DOCK10: variants seen among roughly 807,000 people sequenced by gnomAD.
The protein encoded by DOCK10 is dedicator of cytokinesis protein 10.
Under a neutral mutation model 280.1 loss-of-function variants are expected in DOCK10, and 145 were observed. The observed-to-expected ratio is 0.52, with a 90% CI of 0.45 to 0.59. The LOEUF is 0.59. DOCK10 is among the 20% of genes least tolerant of loss of function. DOCK10 has a pLI of 0.00. For synonymous variants in DOCK10, 915 were observed against 942.2 expected (o/e 0.97, Z 0.53); for missense variants, 2,368 against 2,651.7 (o/e 0.89, Z 2.35).
intron 1 of DOCK10, among the ~76,000 whole-genome samples, chr2:224,961,412 C>CTCTTTCTTTCTTTCTTTCTTTCTTTCTT (rs561597716): frequency 0.011 from 1,328 of 119,352 alleles, 33 homozygotes; most frequent in Middle Eastern, 0.018. Context: ...TTCTTTCTTT[C>CTCTTTCTTTCTTTCTTTCTTTCTTTCTT]TCTTTCTTTC....
At chr2:224,909,443 T>A (rs1382482556) in intron 3 of DOCK10, among the ~76,000 whole-genome samples, 1 of 152,168 alleles carries the variant, frequency 6.6e-6, no homozygotes, top group African/African-American at 2.4e-5. Context: ...TATCCCTATT[T>A]AAAGATGGAA....
At chr2:224,984,511 TTC>T (rs961451300) in intron 1 of DOCK10, among the ~76,000 whole-genome samples, 23 of 152,188 alleles carry the variant, frequency 1.5e-4, no homozygotes, top group African/African-American at 3.6e-4. Context: ...GCTCTGAATA[TTC>T]TCTCTCTCAT....
At chr2:224,780,175 G>T (rs184018880) in intron 50 of DOCK10, among the ~76,000 whole-genome samples, 8 of 152,294 alleles carry the variant, frequency 5.3e-5, no homozygotes, top group Admixed American at 3.9e-4. Flanking sequence ...ACCCCAAACT[G>T]CTACAAAGTG....
intron 48 of DOCK10, 110 bp downstream of exon 48, chr2:224,788,954 A>G (rs1287906782): frequency 3.0e-6 from 2 of 665,200 alleles, no homozygotes; most frequent in Non-Finnish European, 5.1e-6. Flanking sequence ...TGTCTAATTA[A>G]GTTATATTAT....
intron 55 of DOCK10, among the ~76,000 whole-genome samples, chr2:224,769,142 C>G (rs1690250214): frequency 6.6e-6 from 1 of 152,100 alleles, no homozygotes; most frequent in Non-Finnish European, 1.5e-5. Flanking sequence ...TTCCTGTCAC[C>G]CCTCAAATAG....
At chr2:224,833,453 C>T (rs1002304321) in intron 26 of DOCK10, among the ~76,000 whole-genome samples, 2 of 151,680 alleles carry the variant, frequency 1.3e-5, no homozygotes, top group African/African-American at 4.9e-5. Context: ...TCCCTCTGAG[C>T]ATCCCCATGG....
chr2:224,920,729 T>C (rs1341044479), intron 2 of DOCK10, among the ~76,000 whole-genome samples: 1 of 152,122 alleles, frequency 6.6e-6, no homozygotes, highest in African/African-American at 2.4e-5. Flanking sequence ...AAGCTATTCC[T>C]CTTTTCCATT....
At chr2:224,803,460 TG>T (rs1693149872) in intron 39 of DOCK10, among the ~76,000 whole-genome samples, 1 of 152,028 alleles carries the variant, frequency 6.6e-6, no homozygotes. Context: ...TAAATCAAAG[TG>T]GAGATAATTT....
rs1690037560 is a variant in DOCK10, at chr2:224,765,545, A to G, written c.*176T>C. On this transcript the variant is annotated 3_prime_UTR_variant, in exon 56 of 56. Transcript: ENST00000258390. The stretch of plus-strand genomic sequence containing the variant: ...CTTGATCAACACTGCTCAAAGAAAA[A>G]AAAATTATACAAAATGTGCAAATTC... The G allele has an allele frequency of 3.6e-6, 2 of 558,410 alleles. No individual in the cohort carries two copies. Among genetic ancestry groups the G allele is most frequent in the African/African-American group, 3.8e-5 (2 of 52,698 alleles). The allele number at this position is 558,410 out of a possible 1,614,324, so 34.6% of individuals were successfully genotyped here. A position where few individuals can be genotyped will look rare whatever the true frequency, so the allele number is the denominator to read the frequency against.
intron 1 of DOCK10, among the ~76,000 whole-genome samples, chr2:224,957,648 T>A (rs1704129766): frequency 6.6e-6 from 1 of 152,154 alleles, no homozygotes; most frequent in African/African-American, 2.4e-5. Context: ...GATTTCTCTT[T>A]GGACCAGAGT....
rs372687483 is a variant in DOCK10, at chr2:224,845,270, T to C, written c.2414A>G (p.Tyr805Cys). 1.5e-5 allele frequency: 24 copies of C among 1,589,228 alleles called. No individual in the cohort carries two copies. The highest frequency in any genetic ancestry group is 1.6e-5 in the Non-Finnish European group (19 of 1,166,376). Residue 805 changes from tyrosine (Y) to cysteine (C), a missense_variant, in exon 21 of 56, where the codon TAC becomes TGC. Coordinates refer to ENST00000258390, the MANE Select transcript of DOCK10 (RefSeq NM_014689.3). The stretch of plus-strand genomic sequence containing the variant: ...CAGACTTGTTGCTATTGGGATGTTG[T>C]ACTCTTGAGAAGCTATCTGATCGTG... The part of the protein sequence containing the change: ...MKHDQIASQE[Y>C]NIPIATSLPP...
At chr2:224,804,988 G>T in intron 37 of DOCK10, 70 bp downstream of exon 37, 1 of 1,386,254 alleles carries the variant, frequency 7.2e-7, no homozygotes, top group South Asian at 1.4e-5. Flanking sequence ...TTCTTGAAAT[G>T]AAACATGGTA....
intron 3 of DOCK10, among the ~76,000 whole-genome samples, chr2:224,909,140 T>C (rs889682854): frequency 5.9e-5 from 9 of 152,242 alleles, no homozygotes; most frequent in Non-Finnish European, 4.4e-5. Flanking sequence ...TCCAACTTTA[T>C]ATGATCCCTT....
intron 28 of DOCK10, among the ~76,000 whole-genome samples, chr2:224,821,105 AC>A (rs1169478974): frequency 6.6e-6 from 1 of 152,240 alleles, no homozygotes; most frequent in East Asian, 1.9e-4. Flanking sequence ...TGAGAAATGT[AC>A]AAGCTTTTTG....
chr2:224,765,555 C>A lies in DOCK10; in HGVS notation c.*166G>T. ...ACTGCTCAAAGAAAAAAAAATTATA[C>A]AAAATGTGCAAATTCAGAGGTTGGC... On this transcript the variant is annotated 3_prime_UTR_variant, in exon 56 of 56. Transcript: ENST00000258390. 5.5e-6 allele frequency: 3 copies of A among 550,240 alleles called. No individual in the cohort carries two copies. Among genetic ancestry groups the A allele is most frequent in the Non-Finnish European group, 9.7e-6 (3 of 310,628 alleles). The allele number at this position is 550,240 out of a possible 1,614,324, so 34.1% of individuals were successfully genotyped here.
chr2:224,819,442 T>C lies in DOCK10; in HGVS notation c.3267+4A>G. The C allele has an allele frequency of 1.3e-6, 2 of 1,592,818 alleles. No individual in the cohort carries two copies. Among genetic ancestry groups the C allele is most frequent in the Non-Finnish European group, 1.7e-6 (2 of 1,165,524 alleles). On this transcript the variant is annotated splice_donor_region_variant and intron_variant, in intron 29 of 55. Coordinates refer to ENST00000258390, the MANE Select transcript of DOCK10 (RefSeq NM_014689.3). ...AAACAATCACTCCTGTACGTGGTTC[T>C]TACCTTAAGGTCACCGGAGGAGAAC...
chr2:224,844,797 G>A lies in DOCK10; in HGVS notation c.2524C>T (p.Leu842Phe), dbSNP rs1428776919. Reference protein sequence around the residue: ...DIKWVDGGKPLFKVSTFVVST... With the variant: ...DIKWVDGGKPFFKVSTFVVST... ...ACAACAAATGTCGACACTTTGAAAAGTGGTTTGCCACCATCAACCCATTTA... is the reference window on the plus strand; with the variant it reads ...ACAACAAATGTCGACACTTTGAAAAATGGTTTGCCACCATCAACCCATTTA... Residue 842 changes from leucine (L) to phenylalanine (F), a missense_variant, in exon 22 of 56, where the codon CTT becomes TTT. By Grantham distance (22) the Leu-to-Phe change is conservative. Transcript: ENST00000258390. 1 of 1,606,334 alleles carries A rather than the reference G, an allele frequency of 6.2e-7. No individual in the cohort carries two copies. Among genetic ancestry groups the A allele is most frequent in the Non-Finnish European group, 8.5e-7 (1 of 1,176,148 alleles).
At chr2:224,973,787 T>A (rs1439961588) in intron 1 of DOCK10, among the ~76,000 whole-genome samples, 6 of 152,158 alleles carry the variant, frequency 3.9e-5, no homozygotes, top group African/African-American at 1.4e-4. Context: ...ATACAGAATT[T>A]AAATAGCTGA....
rs116449300 is a variant in DOCK10 at position 224,963,225 on chromosome 2, G to A, written c.124-31557C>T. On this transcript the variant is annotated intron_variant, in intron 1 of 55. Transcript: ENST00000258390. The stretch of plus-strand genomic sequence containing the variant: ...AGTCTGGAACCCTTAAGGGTTTCAC[G>A]TTTAAGACCATGTCTTTTGGGAAGA... Among the ~76,000 whole-genome samples, 704 of 152,260 alleles carry A rather than the reference G, an allele frequency of 4.6e-3. 9 individuals carry two copies. The highest frequency in any genetic ancestry group is 0.016 in the African/African-American group (671 of 41,562).
Sources: allele counts gnomAD v4.1 joint callset (sites outside exome capture counted in the v4.1 genomes callset), GRCh38; gene constraint gnomAD v4.1.1; transcripts MANE v1.5; gene names NCBI Gene and HGNC (gene_info 2026-07-23, HGNC 2026-07-21).